Variants in HINT2 observed in about 807,000 individuals in gnomAD.
HINT2 encodes the protein histidine triad nucleotide binding protein 2.
HINT2 carries 17 observed loss-of-function variants against 20.0 expected under a neutral mutation model. The ratio of observed to expected loss-of-function variants is 0.85; its 90% CI spans 0.58 to 1.27. The LOEUF (loss-of-function observed/expected upper bound fraction) is 1.27, where lower values mean the gene tolerates loss of function less well. HINT2 is among the 50% of genes most tolerant of loss of function. The pLI, the probability that HINT2 is intolerant of heterozygous loss-of-function variation, is 0.00. For synonymous variants in HINT2, 96 were observed against 84.2 expected (o/e 1.14, Z -0.77); for missense variants, 217 against 211.9 (o/e 1.02, Z -0.15).
rs764711541 is a variant in HINT2 at position 35,813,542 on chromosome 9, A to T, written c.230T>A (p.Val77Glu). 6.2e-7 allele frequency: 1 copy of T among 1,614,182 alleles called. No individual in the cohort carries two copies. The highest frequency in any genetic ancestry group is 8.5e-7 in the Non-Finnish European group (1 of 1,180,038). ...DILYEDQQCL[V>E]FRDVAPQAPV... ...AGCCTGAGGGGCCACATCACGGAACACAAGACACTGGGGGAAGTGACAGGC... is the reference window on the plus strand; with the variant it reads ...AGCCTGAGGGGCCACATCACGGAACTCAAGACACTGGGGGAAGTGACAGGC... The change falls in exon 3 of 5, where the codon GTG (valine) becomes GAG (glutamate). Residue 77 changes from valine to glutamate, a missense_variant. Transcript: ENST00000259667.
At chr9:35,815,147 A>C, upstream of HINT2, 1 of 544,020 alleles carries the variant, frequency 1.8e-6, no homozygotes, top group Non-Finnish European at 3.0e-6. Context: ...CTCTGCAGCC[A>C]CTTTGGAGGC....
In HINT2 at chr9:35,815,035, C is replaced by G; in HGVS notation, c.-56G>C. The G allele has an allele frequency of 7.4e-7, 1 of 1,349,222 alleles. No homozygotes were observed. Among genetic ancestry groups the G allele is most frequent in the Non-Finnish European group, 9.5e-7 (1 of 1,051,274 alleles). The allele number at this position is 1,349,222 out of a possible 1,614,324, so 83.6% of individuals were successfully genotyped here. On this transcript the variant is annotated 5_prime_UTR_variant, in exon 1 of 5. Transcript: ENST00000259667. ...GGTCAGCACTCGGCTCCGCGGCCGG[C>G]CGTGGGTGGGGACTCCGGGCGCGGG...
rs545448422 is a variant in HINT2 at position 35,813,268 on chromosome 9, A to C, written c.398T>G (p.Leu133Arg). The change falls in exon 4 of 5, where the codon CTT (leucine) becomes CGT (arginine). Residue 133 changes from leucine (L) to arginine (R), a missense_variant and splice_region_variant. Physicochemically the swap from Leu to Arg is moderately radical, Grantham distance 102. Transcript: ENST00000259667. Reference protein sequence around the residue: ...KAEGLGDGYRLVINDGKLGAQ... With the variant: ...KAEGLGDGYRRVINDGKLGAQ... ...ACCAAGGGCCAAAAGTCACTCACCA[A>C]GTCGGTATCCATCTCCCAGGCCCTC... is the stretch of plus-strand genomic sequence containing the variant. The C allele has an allele frequency of 2.2e-5, 35 of 1,614,222 alleles. No individual in the cohort carries two copies. In the East Asian group the frequency reaches 7.6e-4, roughly 35 times the overall value.
At chr9:35,814,792 G>T in intron 1 of HINT2, 107 bp downstream of exon 1, 1 of 976,520 alleles carries the variant, frequency 1.0e-6, no homozygotes, top group Non-Finnish European at 1.4e-6. Context: ...AGGGGCAGAG[G>T]CCACAGGCAG....
intron 4 of HINT2, 38 bp from the exon 5 acceptor site, chr9:35,813,183 G>A (rs1828896468): frequency 6.2e-7 from 1 of 1,612,056 alleles, no homozygotes; most frequent in Non-Finnish European, 8.5e-7. Flanking sequence ...CAGGATCATG[G>A]CAGAGGTCGA....
Position 35,813,343 on chromosome 9 carries a change from A to G in HINT2, c.328-5T>C. The stretch of plus-strand genomic sequence containing the variant: ...AAGGAGTAGGTGTCCTAGAAGCTAT[A>G]GAGAGAGCGGAGGGACATAGGTGGC... On this transcript the variant is annotated splice_region_variant and splice_polypyrimidine_tract_variant and intron_variant, in intron 3 of 4. Coordinates refer to ENST00000259667, the MANE Select transcript of HINT2 (RefSeq NM_032593.3). 2.5e-6 allele frequency: 4 copies of G among 1,613,588 alleles called. No individual in the cohort carries two copies. Among genetic ancestry groups the G allele is most frequent in the Non-Finnish European group, 3.4e-6 (4 of 1,179,460 alleles).
chr9:35,815,021 G>C lies in HINT2; in HGVS notation c.-42C>G, dbSNP rs755091743. 8.0e-6 allele frequency: 11 copies of C among 1,373,042 alleles called. No homozygotes were observed. Among genetic ancestry groups the C allele is most frequent in the South Asian group, 4.9e-5 (3 of 60,758 alleles). 85.1% of individuals were successfully genotyped at this position (1,373,042 alleles called of 1,614,324 possible). ...GAACCTCTCACCCGGGTCAGCACTC[G>C]GCTCCGCGGCCGGCCGTGGGTGGGG... is the stretch of plus-strand genomic sequence containing the variant. On this transcript the variant is annotated 5_prime_UTR_variant, in exon 1 of 5. Coordinates refer to ENST00000259667, the MANE Select transcript of HINT2 (RefSeq NM_032593.3).
Position 35,813,553 on chromosome 9 carries a change from G to A in HINT2, c.223-4C>T. The A allele has an allele frequency of 1.9e-6, 3 of 1,614,144 alleles. No homozygotes were observed. Among genetic ancestry groups the A allele is most frequent in the Non-Finnish European group, 2.5e-6 (3 of 1,180,022 alleles). Reference sequence around the variant, plus strand: ...CCACATCACGGAACACAAGACACTGGGGGAAGTGACAGGCCAGAGGCCACG... The same window carrying A: ...CCACATCACGGAACACAAGACACTGAGGGAAGTGACAGGCCAGAGGCCACG... On this transcript the variant is annotated splice_region_variant and splice_polypyrimidine_tract_variant and intron_variant, in intron 2 of 4. Coordinates refer to ENST00000259667, the MANE Select transcript of HINT2 (RefSeq NM_032593.3).
chr9:35,814,646 A>G, intron 1 of HINT2: 2 of 454,672 alleles, frequency 4.4e-6, no homozygotes, highest in Admixed American at 4.5e-5. Context: ...AGGCAGTGGA[A>G]AGAAGGCGGC....
chr9:35,814,945 C>A lies in HINT2; in HGVS notation c.35G>T (p.Arg12Leu). Reference protein sequence around the residue: ...AAAVVLAAGLRAARRAVAATG... With the variant: ...AAAVVLAAGLLAARRAVAATG... The stretch of plus-strand genomic sequence containing the variant: ...GGCCGCCACGGCTCTGCGCGCCGCG[C>A]GCAACCCAGCAGCCAGCACCACGGC... The change falls in exon 1 of 5, where the codon CGC becomes CTC. Residue 12 changes from arginine to leucine, a missense_variant. By Grantham distance (102) the Arg-to-Leu change is moderately radical (BLOSUM62 -2). Coordinates refer to ENST00000259667, the MANE Select transcript of HINT2 (RefSeq NM_032593.3). 1 of 1,484,924 alleles carries A rather than the reference C, an allele frequency of 6.7e-7. No individual in the cohort carries two copies. Among genetic ancestry groups the A allele is most frequent in the Non-Finnish European group, 8.9e-7 (1 of 1,125,158 alleles). The allele number at this position is 1,484,924 out of a possible 1,614,324, so 92.0% of individuals were successfully genotyped here. A position where few individuals can be genotyped will look rare whatever the true frequency, so the allele number is the denominator to read the frequency against.
chr9:35,813,714 G>C lies in HINT2; in HGVS notation c.152C>G (p.Ala51Gly). ...AKAQQATPGG[A>G]APTIFSRILD... is the part of the protein sequence containing the mutation. ...GATCCGGGAGAAGATGGTTGGGGCT[G>C]CTCCCCCAGGAGTTGCCTGCTGGGC... Residue 51 changes from alanine (A) to glycine (G), a missense_variant, in exon 2 of 5, where the codon GCA becomes GGA. Ala to Gly is a moderately conservative substitution (Grantham distance 60). Transcript: ENST00000259667. 3 of 1,614,084 alleles carry C rather than the reference G, an allele frequency of 1.9e-6. No individual in the cohort carries two copies. Among genetic ancestry groups the C allele is most frequent in the Non-Finnish European group, 1.7e-6 (2 of 1,179,902 alleles).
At chr9:35,813,918 G>T in intron 1 of HINT2, 134 bp from the exon 2 acceptor site, 1 of 998,732 alleles carries the variant, frequency 1.0e-6, no homozygotes, top group Non-Finnish European at 1.4e-6. Context: ...CAGAGCACCA[G>T]CAGCAAAGGG....
In HINT2 at chr9:35,813,181, T is replaced by C. The variant is rs766666800; in HGVS notation, c.401-36A>G. On this transcript the variant is annotated intron_variant, in intron 4 of 4. Transcript: ENST00000259667. ...GCTTGGGGTTAGGGAGTCAGGATCA[T>C]GGCAGAGGTCGAAGAATGAAGATCA... 4 of 1,612,756 alleles carry C rather than the reference T, an allele frequency of 2.5e-6. No individual in the cohort carries two copies. In the African/African-American group the frequency reaches 4.0e-5, roughly 16 times the overall value.
chr9:35,813,128 G>A lies in HINT2; in HGVS notation c.418C>T (p.Leu140=). 6.2e-7 allele frequency: 1 copy of A among 1,614,186 alleles called. No homozygotes were observed. Residue 140 remains leucine (L), a synonymous_variant, in exon 5 of 5, where the codon CTG becomes TTG. Transcript: ENST00000259667. ...AGATGATACACAGATTGTGCACCCA[G>A]CTTCCCATCGTTGATCACTGAAATT... ...GYRLVINDGK[L]GAQSVYHLHI... is the part of the protein sequence containing the mutation.
upstream of HINT2, chr9:35,815,265 T>G: frequency 2.7e-6 from 1 of 366,102 alleles, no homozygotes; most frequent in Non-Finnish European, 4.9e-6. Context: ...TTGGATCCCC[T>G]TACTAGTTTC....
Position 35,813,711 on chromosome 9 carries a change from GCTGCTCC to G in HINT2, c.148_154del (p.Gly50ProfsTer60), listed in dbSNP as rs998094333. The G allele has an allele frequency of 1.2e-6, 2 of 1,614,210 alleles. No individual in the cohort carries two copies. The highest frequency in any genetic ancestry group is 1.7e-6 in the Non-Finnish European group (2 of 1,180,030). On this transcript the variant is annotated frameshift_variant, in exon 2 of 5. Coordinates refer to ENST00000259667, the MANE Select transcript of HINT2 (RefSeq NM_032593.3). LOFTEE classifies it high-confidence loss of function. ...CAGGATCCGGGAGAAGATGGTTGGG[GCTGCTCC>G]CCCAGGAGTTGCCTGCTGGGCCTTG...
rs937931361 is a variant in HINT2 at position 35,814,900 on chromosome 9, T to C, written c.80A>G (p.Gln27Arg). 3.4e-6 allele frequency: 5 copies of C among 1,489,078 alleles called. No homozygotes were observed. The highest frequency in any genetic ancestry group is 4.4e-6 in the Non-Finnish European group (5 of 1,127,082). The allele number at this position is 1,489,078 out of a possible 1,614,324, so 92.2% of individuals were successfully genotyped here. A position where few individuals can be genotyped will look rare whatever the true frequency, so the allele number is the denominator to read the frequency against. The change falls in exon 1 of 5, where the codon CAG becomes CGG. Residue 27 changes from glutamine to arginine, a missense_variant and splice_region_variant. Transcript: ENST00000259667. ...AVAATGVRGG[Q>R]VRGAAGVTDG... ...ACTCGCTCCCGCGCCACTTCTCACC[T>C]GCCCCCCGCGCACCCCCGTGGCCGC...
At position 35,813,535 on chromosome 9, in the gene HINT2, A is replaced by G; in HGVS notation, c.237T>C (p.Arg79=). Residue 79 remains arginine, a synonymous_variant, in exon 3 of 5, where the codon CGT becomes CGC. Transcript: ENST00000259667. ...GCACAGGAGCCTGAGGGGCCACATC[A>G]CGGAACACAAGACACTGGGGGAAGT... The part of the protein sequence containing the change: ...LYEDQQCLVF[R]DVAPQAPVHF... 6.2e-7 allele frequency: 1 copy of G among 1,614,180 alleles called. No individual in the cohort carries two copies. Among genetic ancestry groups the G allele is most frequent in the Non-Finnish European group, 8.5e-7 (1 of 1,180,036 alleles).
In HINT2 at chr9:35,813,778, C is replaced by T; in HGVS notation, c.88G>A (p.Gly30Arg). ...TTCCCATCAGTCACACCTGCAGCTC[C>T]TCGGACCTGAAGGTGGATCGACCAT... is the stretch of plus-strand genomic sequence containing the variant. ...ATGVRGGQVR[G>R]AAGVTDGNEV... The change falls in exon 2 of 5, where the codon GGA becomes AGA. Residue 30 changes from glycine (G) to arginine (R), a missense_variant. Physicochemically the swap from Gly to Arg is moderately radical, Grantham distance 125. Coordinates refer to ENST00000259667, the MANE Select transcript of HINT2 (RefSeq NM_032593.3). 1 of 1,612,388 alleles carries T rather than the reference C, an allele frequency of 6.2e-7. No homozygotes were observed. Among genetic ancestry groups the T allele is most frequent in the Non-Finnish European group, 8.5e-7 (1 of 1,179,156 alleles).
Sources: gnomAD v4.1 joint callset for allele counts on GRCh38, gnomAD v4.1.1 for gene constraint, MANE v1.5 for transcripts, NCBI Gene and HGNC (gene_info 2026-07-23, HGNC 2026-07-21) for gene names.